TRIO: variants seen among roughly 807,000 people sequenced by gnomAD.
TRIO encodes trio Rho guanine nucleotide exchange factor, also known as triple functional domain protein.
In TRIO, 58 loss-of-function variants were observed where a neutral mutation model predicts 351.9. That is an observed-to-expected ratio of 0.16 (90% CI 0.13 to 0.21). The LOEUF (loss-of-function observed/expected upper bound fraction) is 0.21. Ranked by LOEUF, TRIO falls within the 10% of genes least tolerant of loss-of-function variation. The probability of loss-of-function intolerance (pLI) is 1.00; values close to 1 mark genes in which losing one functional copy is unlikely to be tolerated. For synonymous variants in TRIO, 1,758 were observed against 1,595.7 expected (o/e 1.10, Z -2.42); for missense variants, 3,201 against 4,027.8 (o/e 0.79, Z 5.56).
At chr5:14,172,936 G>A (rs539241540) in intron 1 of TRIO, among the ~76,000 whole-genome samples, 1 of 152,322 alleles carries the variant, frequency 6.6e-6, no homozygotes, top group Admixed American at 6.5e-5. Flanking sequence ...CAGCGGTGGA[G>A]CGAATAGTCA....
intron 1 of TRIO, among the ~76,000 whole-genome samples, chr5:14,258,968 C>T (rs574506078): frequency 2.6e-5 from 4 of 152,312 alleles, no homozygotes; most frequent in South Asian, 4.1e-4. Context: ...GTGCTGCCTT[C>T]GAGTTCCTAA....
intron 7 of TRIO, among the ~76,000 whole-genome samples, chr5:14,299,053 CATG>C (rs1298468960): frequency 6.6e-6 from 1 of 152,190 alleles, no homozygotes; most frequent in Admixed American, 6.5e-5. Flanking sequence ...CTTTCATAAA[CATG>C]ATGAGATTCA....
In TRIO at chr5:14,237,009, G is replaced by A. The variant is rs946327293; in HGVS notation, c.158-33816G>A. On this transcript the variant is annotated intron_variant, in intron 1 of 56. Coordinates refer to ENST00000344204, the MANE Select transcript of TRIO (RefSeq NM_007118.4). ...ATAACCTGGTGCACCTTTGTAAGCC[G>A]CTGAGAGAGGAATGGGACCTGCCTG... 2.0e-5 allele frequency among the ~76,000 whole-genome samples: 3 copies of A among 152,284 alleles called. No individual in the cohort carries two copies. The South Asian group carries it at 6.2e-4, about 32-fold the overall frequency.
At chr5:14,280,821 TA>T (rs1233525016) in intron 3 of TRIO, among the ~76,000 whole-genome samples, 2 of 152,218 alleles carry the variant, frequency 1.3e-5, no homozygotes, top group African/African-American at 4.8e-5. Flanking sequence ...GTTAGTTCTT[TA>T]AAAATAGTCT....
chr5:14,484,226 T>G (rs551988062), intron 46 of TRIO, among the ~76,000 whole-genome samples: 1 of 152,370 alleles, frequency 6.6e-6, no homozygotes, highest in African/African-American at 2.4e-5. Flanking sequence ...TTTTATAAAA[T>G]TATTTGACAT....
In TRIO at chr5:14,286,785, T is replaced by A. The variant is rs1736478751; in HGVS notation, c.348-86T>A. On this transcript the variant is annotated intron_variant, in intron 3 of 56. Transcript: ENST00000344204. This position sits in a 1 kb window ranked among gnomAD's most constrained non-coding sequence, Gnocchi z 4.4. ...CACGTGTCCAGCAGGGGAGGGAAGC[T>A]GGGTCTGTGGCACCCAGTGGGACTC... The A allele has an allele frequency of 2.8e-6, 4 of 1,442,676 alleles. No individual in the cohort carries two copies. Among genetic ancestry groups the A allele is most frequent in the African/African-American group, 1.4e-5 (1 of 70,880 alleles). 89.4% of individuals were successfully genotyped at this position (1,442,676 alleles called of 1,614,324 possible).
chr5:14,348,710 G>A (rs73059579), intron 11 of TRIO, among the ~76,000 whole-genome samples: 3,797 of 151,418 alleles, frequency 0.025, 162 homozygotes, highest in African/African-American at 0.086. Flanking sequence ...GCATGTTTAT[G>A]TGTGTGTACG....
intron 1 of TRIO, among the ~76,000 whole-genome samples, chr5:14,159,649 A>T (rs181588228): frequency 6.6e-6 from 1 of 151,420 alleles, no homozygotes; most frequent in African/African-American, 2.4e-5. Context: ...GCTCACTGCA[A>T]CCTCCATCTC....
chr5:14,438,054 A>C (rs772571802), intron 34 of TRIO, among the ~76,000 whole-genome samples: 4 of 152,200 alleles, frequency 2.6e-5, no homozygotes, highest in African/African-American at 4.8e-5. Context: ...CATCAAAGTA[A>C]AATGTCAAAA....
Position 14,270,879 on chromosome 5 carries a change from A to G in TRIO, c.212A>G (p.Glu71Gly). 2 of 1,613,876 alleles carry G rather than the reference A, an allele frequency of 1.2e-6. No homozygotes were observed. Among genetic ancestry groups the G allele is most frequent in the Non-Finnish European group, 1.7e-6 (2 of 1,179,810 alleles). Residue 71 changes from glutamate to glycine, a missense_variant, in exon 2 of 57, where the codon GAA becomes GGA. By Grantham distance (98) the Glu-to-Gly change is moderately conservative (BLOSUM62 -2). Coordinates refer to ENST00000344204, the MANE Select transcript of TRIO (RefSeq NM_007118.4). ...ATGGATGTTTTACCAATTTTGAAGGAAAAAGTTGCATACCTTTCAGGTAAA... is the reference window on the plus strand; with the variant it reads ...ATGGATGTTTTACCAATTTTGAAGGGAAAAGTTGCATACCTTTCAGGTAAA... ...KAMDVLPILK[E>G]KVAYLSGGRD...
At position 14,394,029 on chromosome 5, in the gene TRIO, T is replaced by A; in HGVS notation, c.4219-9T>A. ...GATAACTCTTGTTTCTTGTTTGGTT[T>A]TAATACAGGAGATACAGCAGCGACA... On this transcript the variant is annotated splice_polypyrimidine_tract_variant and intron_variant, in intron 27 of 56. Transcript: ENST00000344204. 6.2e-7 allele frequency: 1 copy of A among 1,606,078 alleles called. No individual in the cohort carries two copies. The highest frequency in any genetic ancestry group is 8.5e-7 in the Non-Finnish European group (1 of 1,174,286).
intron 5 of TRIO, 78 bp downstream of exon 5, chr5:14,291,306 A>G (rs1736881371): frequency 2.0e-6 from 3 of 1,470,062 alleles, no homozygotes; most frequent in Non-Finnish European, 2.8e-6. Context: ...AGGAAAGAGA[A>G]AAGGTGGAGA....
Position 14,230,340 on chromosome 5 carries a change from T to TTGTGTGTGTGTGTGTGTG in TRIO, c.158-40467_158-40450dup, listed in dbSNP as rs59717445. ...GAAATTGGAAAGTCAGGCAAGATGT[T>TTGTGTGTGTGTGTGTGTG]TGTGTGTGTGTGTGTGTGTGTGTGT... On this transcript the variant is annotated intron_variant, in intron 1 of 56. Coordinates refer to ENST00000344204, the MANE Select transcript of TRIO (RefSeq NM_007118.4). Among the ~76,000 whole-genome samples, 225 of 149,114 alleles carry TTGTGTGTGTGTGTGTGTG rather than the reference T, an allele frequency of 1.5e-3. 2 individuals carry two copies. Among genetic ancestry groups the TTGTGTGTGTGTGTGTGTG allele is most frequent in the African/African-American group, 5.4e-3 (214 of 39,884 alleles).
intron 18 of TRIO, among the ~76,000 whole-genome samples, chr5:14,373,979 C>G (rs562461925): frequency 6.6e-6 from 1 of 152,180 alleles, no homozygotes; most frequent in Non-Finnish European, 1.5e-5. Flanking sequence ...CAGGGGCTGC[C>G]CTCTGTTTCC....
chr5:14,385,569 G>T (rs1358974379), intron 21 of TRIO, among the ~76,000 whole-genome samples: 1 of 152,156 alleles, frequency 6.6e-6, no homozygotes, highest in African/African-American at 2.4e-5. Context: ...ATACATTTGC[G>T]CACTTGCTTG....
In TRIO at chr5:14,402,551, C is replaced by T. The variant is rs533589316; in HGVS notation, c.4716+1487C>T. ...ATGATGTAGGTGGAGGTGGTGGAGA[C>T]GCTGTGGTGGTGGTGATGGCGGTGA... On this transcript the variant is annotated intron_variant, in intron 31 of 56. Transcript: ENST00000344204. Among the ~76,000 whole-genome samples the T allele has an allele frequency of 5.3e-5, 8 of 149,980 alleles. No individual in the cohort carries two copies. In the South Asian group the frequency reaches 1.1e-3, roughly 20 times the overall value.
chr5:14,250,772 A>G (rs753272291), intron 1 of TRIO, among the ~76,000 whole-genome samples: 4 of 152,144 alleles, frequency 2.6e-5, no homozygotes, highest in African/African-American at 9.7e-5. Flanking sequence ...CGTGGTCACC[A>G]TTGCATCCTG....
intron 9 of TRIO, among the ~76,000 whole-genome samples, chr5:14,325,663 A>AAG (rs577750499): frequency 6.6e-6 from 1 of 152,064 alleles, no homozygotes; most frequent in African/African-American, 2.4e-5. Flanking sequence ...CAGAGAGAGA[A>AAG]AGAGAGAGAG....
chr5:14,230,888 G>GA (rs1234960546), intron 1 of TRIO, among the ~76,000 whole-genome samples: 1 of 152,106 alleles, frequency 6.6e-6, no homozygotes, highest in Non-Finnish European at 1.5e-5. Context: ...TTTTGAGCTG[G>GA]AAAGTGATGG....
Sources: allele counts gnomAD v4.1 joint callset (sites outside exome capture counted in the v4.1 genomes callset), GRCh38; gene constraint gnomAD v4.1.1; non-coding constraint Gnocchi (gnomAD v3.1); transcripts MANE v1.5; gene names NCBI Gene and HGNC (gene_info 2026-07-23, HGNC 2026-07-21).